The following RPL26L1 variants were observed in gnomAD, a reference collection of about 807,000 sequenced individuals.
The protein encoded by RPL26L1 is ribosomal protein L26 like 1.
Under a neutral mutation model 15.2 loss-of-function variants are expected in RPL26L1, and 8 were observed. The observed-to-expected ratio is 0.53, with a 90% CI of 0.31 to 0.95. The LOEUF (loss-of-function observed/expected upper bound fraction) is 0.95, where lower values mean the gene tolerates loss of function less well. RPL26L1 is among the 40% of genes least tolerant of loss of function. The probability of loss-of-function intolerance (pLI) is 0.05; values close to 1 mark genes in which losing one functional copy is unlikely to be tolerated. For synonymous variants in RPL26L1, 51 were observed against 65.9 expected (o/e 0.77, Z 1.09); for missense variants, 146 against 190.9 (o/e 0.76, Z 1.39).
At chr5:172,958,596 G>A (rs1755077356), upstream of RPL26L1, 1 of 355,666 alleles carries the variant, frequency 2.8e-6, no homozygotes, top group African/African-American at 2.1e-5. Context: ...CACGGAGGGG[G>A]CGTGGTTGAT....
chr5:172,969,668 C>G lies in RPL26L1; in HGVS notation c.*127C>G, dbSNP rs1317177327. ...TGTTACCTGTGCCTCTGTAAATCTA[C>G]TTTTGCAATTTTAAGTAATAATTTT... On this transcript the variant is annotated 3_prime_UTR_variant, in exon 4 of 4. Transcript: ENST00000265100. The G allele has an allele frequency of 3.2e-5, 30 of 949,218 alleles. No homozygotes were observed. The highest frequency in any genetic ancestry group is 4.4e-5 in the Non-Finnish European group (29 of 655,490). 58.8% of individuals were successfully genotyped at this position (949,218 alleles called of 1,614,324 possible).
intron 2 of RPL26L1, among the ~76,000 whole-genome samples, chr5:172,965,724 G>A (rs1755426251): frequency 6.6e-6 from 1 of 152,152 alleles, no homozygotes; most frequent in Non-Finnish European, 1.5e-5. Context: ...CCAAAATGCT[G>A]GCTTTTCTCA....
At chr5:172,962,706 C>T (rs1334167956) in intron 2 of RPL26L1, among the ~76,000 whole-genome samples, 3 of 149,024 alleles carry the variant, frequency 2.0e-5, no homozygotes, top group Non-Finnish European at 3.0e-5. Context: ...GTCCCAACTA[C>T]TTGGGAGGCT....
At chr5:172,959,843 C>T in intron 1 of RPL26L1, 22 bp from the exon 2 acceptor site, 1 of 1,613,118 alleles carries the variant, frequency 6.2e-7, no homozygotes. Flanking sequence ...CCCTTCATTC[C>T]GTCTCTCTCC....
intron 2 of RPL26L1, among the ~76,000 whole-genome samples, chr5:172,963,011 T>C (rs1434768892): frequency 6.6e-6 from 1 of 152,066 alleles, no homozygotes; most frequent in Non-Finnish European, 1.5e-5. Context: ...GAGGAACTAA[T>C]ACATTTAAGA....
upstream of RPL26L1, chr5:172,959,280 T>G: frequency 1.4e-6 from 1 of 704,798 alleles, no homozygotes; most frequent in Non-Finnish European, 1.8e-6. Flanking sequence ...AAGCAGGCCC[T>G]TGTACTCACT....
chr5:172,964,281 C>CT (rs1204432096), intron 2 of RPL26L1, among the ~76,000 whole-genome samples: 4,439 of 99,076 alleles, frequency 0.045, 465 homozygotes, highest in African/African-American at 0.15. Flanking sequence ...GGCCTGTTGC[C>CT]TTTTTTTTTT....
chr5:172,964,134 CATTT>C (rs374541148), intron 2 of RPL26L1, among the ~76,000 whole-genome samples: 11 of 151,812 alleles, frequency 7.2e-5, no homozygotes, highest in South Asian at 2.1e-4. Context: ...AAATTAGAGA[CATTT>C]ATTTATTTAT....
chr5:172,967,056 A>G (rs188411556), intron 2 of RPL26L1, among the ~76,000 whole-genome samples: 6,745 of 151,826 alleles, frequency 0.044, 193 homozygotes, highest in Middle Eastern at 0.085. Flanking sequence ...GGGTTTCACC[A>G]TGTTGGCCTG....
chr5:172,954,907 C>T (rs1014397574), upstream of RPL26L1: 3 of 456,032 alleles, frequency 6.6e-6, no homozygotes, highest in Non-Finnish European at 1.3e-5. Flanking sequence ...GAGCAAAACC[C>T]TCCAGGGGTG....
In RPL26L1 at chr5:172,968,494, C is replaced by T. The variant is rs1755557028; in HGVS notation, c.204C>T (p.Gly68=). The change falls in exon 3 of 4, where the codon GGC becomes GGT. Residue 68 remains glycine (G), a synonymous_variant. Transcript: ENST00000265100. ...VRGHYKGQQI[G]KVVQVYRKKY... The stretch of plus-strand genomic sequence containing the variant: ...GACACTACAAAGGTCAGCAAATTGG[C>T]AAGGTAGTCCAGGTGTACAGAAAGA... 3.1e-6 allele frequency: 5 copies of T among 1,613,938 alleles called. No homozygotes were observed. Among genetic ancestry groups the T allele is most frequent in the Non-Finnish European group, 3.4e-6 (4 of 1,179,988 alleles).
At chr5:172,959,528 C>T (rs886177900) in intron 1 of RPL26L1, 60 bp downstream of exon 1, 7 of 1,115,482 alleles carry the variant, frequency 6.3e-6, no homozygotes, top group Non-Finnish European at 7.8e-6. Flanking sequence ...AGACCCTGCC[C>T]TATGTGTCGC....
intron 1 of RPL26L1, 103 bp downstream of exon 1, chr5:172,959,571 G>A (rs1755136729): frequency 1.7e-6 from 2 of 1,195,172 alleles, no homozygotes; most frequent in Admixed American, 3.6e-5. Context: ...CTCTCTTTGA[G>A]TGACCTCCCG....
At chr5:172,964,682 C>T (rs946815266) in intron 2 of RPL26L1, among the ~76,000 whole-genome samples, 9 of 152,180 alleles carry the variant, frequency 5.9e-5, no homozygotes, top group Admixed American at 6.5e-5. Context: ...TAAAATAGCC[C>T]TGATTGGGTT....
chr5:172,957,321 TAAAAA>T (rs1292668810), upstream of RPL26L1: 2 of 455,016 alleles, frequency 4.4e-6, no homozygotes, highest in East Asian at 7.0e-5. Flanking sequence ...CACAGCATGT[TAAAAA>T]CAAAACAAAA....
intron 2 of RPL26L1, among the ~76,000 whole-genome samples, chr5:172,967,546 A>C (rs1191466586): frequency 2.6e-5 from 4 of 152,196 alleles, no homozygotes; most frequent in Non-Finnish European, 4.4e-5. Flanking sequence ...GTAGATTTTT[A>C]GTACAGTAAA....
chr5:172,962,002 C>T (rs1164436201), intron 2 of RPL26L1, among the ~76,000 whole-genome samples: 1 of 152,206 alleles, frequency 6.6e-6, no homozygotes, highest in Non-Finnish European at 1.5e-5. Flanking sequence ...CCATTTATAT[C>T]TCCCCAGCTG....
chr5:172,962,391 C>G (rs1755262017), intron 2 of RPL26L1, among the ~76,000 whole-genome samples: 1 of 152,094 alleles, frequency 6.6e-6, no homozygotes, highest in Non-Finnish European at 1.5e-5. Context: ...ACCTGTAATC[C>G]CAGCTACTCG....
upstream of RPL26L1, chr5:172,955,242 T>C (rs1581598829): frequency 4.2e-5 from 14 of 334,004 alleles, no homozygotes; most frequent in South Asian, 2.9e-4. Flanking sequence ...AGTTCTCCTG[T>C]TTCAGCCTCC....
Sources: allele counts gnomAD v4.1 joint callset (sites outside exome capture counted in the v4.1 genomes callset), GRCh38; gene constraint gnomAD v4.1.1; transcripts MANE v1.5; gene names NCBI Gene and HGNC (gene_info 2026-07-23, HGNC 2026-07-21).